Variants in ADAMTS6 observed in about 807,000 individuals in gnomAD.
ADAMTS6 encodes the protein A disintegrin and metalloproteinase with thrombospondin motifs 6.
A neutral mutation model predicts 144.3 loss-of-function variants in ADAMTS6; 23 were observed. That is an observed-to-expected ratio of 0.16 (90% confidence interval 0.11 to 0.23). The LOEUF (loss-of-function observed/expected upper bound fraction) is 0.23, where lower values mean the gene tolerates loss of function less well. ADAMTS6 is among the 10% of genes least tolerant of loss of function. The probability of loss-of-function intolerance (pLI) is 1.00; values close to 1 mark genes in which losing one functional copy is unlikely to be tolerated. For missense variants in ADAMTS6, 999 were observed against 1,379.6 expected (o/e 0.72, Z 4.37); for synonymous variants, 444 against 457.5 (o/e 0.97, Z 0.38).
At chr5:65,267,978 A>G (rs1761753561) in intron 12 of ADAMTS6, among the ~76,000 whole-genome samples, 1 of 152,168 alleles carries the variant, frequency 6.6e-6, no homozygotes, top group Non-Finnish European at 1.5e-5. Flanking sequence ...GTCATCCCAT[A>G]CTATTTAGAT....
intron 3 of ADAMTS6, among the ~76,000 whole-genome samples, chr5:65,468,960 T>C (rs754846810): frequency 4.6e-5 from 7 of 152,128 alleles, no homozygotes; most frequent in Non-Finnish European, 1.0e-4. Context: ...AGGCATGCTC[T>C]TCAAATTCCT....
chr5:65,255,461 A>T (rs1760566353), intron 14 of ADAMTS6, among the ~76,000 whole-genome samples: 1 of 152,064 alleles, frequency 6.6e-6, no homozygotes, highest in Non-Finnish European at 1.5e-5. Context: ...ATGCCTTTGC[A>T]TCCTCATAGC....
chr5:65,185,878 T>A (rs569121490), intron 22 of ADAMTS6, among the ~76,000 whole-genome samples: 1 of 152,214 alleles, frequency 6.6e-6, no homozygotes, highest in Non-Finnish European at 1.5e-5. Context: ...TAAAAACATA[T>A]AATGATACAG....
intron 20 of ADAMTS6, among the ~76,000 whole-genome samples, chr5:65,200,436 T>C (rs1471105244): frequency 6.6e-6 from 1 of 152,214 alleles, no homozygotes; most frequent in Non-Finnish European, 1.5e-5. Flanking sequence ...TTTAAAGTAG[T>C]CTGTAAAACA....
At chr5:65,182,139 A>G (rs1289604777) in intron 22 of ADAMTS6, among the ~76,000 whole-genome samples, 2 of 152,124 alleles carry the variant, frequency 1.3e-5, no homozygotes, top group Non-Finnish European at 2.9e-5. Context: ...ACCAAACCAG[A>G]TATGACTGAT....
At chr5:65,365,059 T>C (rs781272743) in intron 7 of ADAMTS6, among the ~76,000 whole-genome samples, 5 of 152,140 alleles carry the variant, frequency 3.3e-5, no homozygotes, top group Non-Finnish European at 5.9e-5. Flanking sequence ...TAACTTGTAC[T>C]GAAACCAAAA....
chr5:65,205,259 C>A (rs1265719853), intron 20 of ADAMTS6, among the ~76,000 whole-genome samples: 4 of 152,062 alleles, frequency 2.6e-5, no homozygotes, highest in African/African-American at 9.7e-5. Context: ...TTATTACGTC[C>A]GTAAAACATA....
intron 7 of ADAMTS6, among the ~76,000 whole-genome samples, chr5:65,358,080 A>G (rs572393113): frequency 1.3e-5 from 2 of 151,546 alleles, no homozygotes; most frequent in South Asian, 2.1e-4. Flanking sequence ...AAATTTCTCA[A>G]TAAAATACTA....
At chr5:65,183,219 C>T (rs1754468035) in intron 22 of ADAMTS6, among the ~76,000 whole-genome samples, 1 of 152,096 alleles carries the variant, frequency 6.6e-6, no homozygotes, top group African/African-American at 2.4e-5. Context: ...TTTCTTGAGC[C>T]TAAATTTCAT....
At chr5:65,356,332 C>T (rs889437774) in intron 7 of ADAMTS6, among the ~76,000 whole-genome samples, 1 of 151,842 alleles carries the variant, frequency 6.6e-6, no homozygotes, top group Non-Finnish European at 1.5e-5. Context: ...CTCTTGAAAA[C>T]TAGCTGTCAT....
chr5:65,301,750 C>G (rs2112804654), intron 9 of ADAMTS6, among the ~76,000 whole-genome samples: 1 of 152,108 alleles, frequency 6.6e-6, no homozygotes, highest in Admixed American at 6.5e-5. Flanking sequence ...AATGAACTGA[C>G]TTTCATAAGT....
intron 22 of ADAMTS6, among the ~76,000 whole-genome samples, chr5:65,185,201 C>T (rs1046937462): frequency 6.6e-6 from 1 of 152,196 alleles, no homozygotes. Flanking sequence ...GCTACTCAGA[C>T]ATCTATTTAA....
chr5:65,206,699 CAAAAAAA>C (rs11296295), intron 20 of ADAMTS6, among the ~76,000 whole-genome samples: 1 of 77,888 alleles, frequency 1.3e-5, no homozygotes. Flanking sequence ...GACTCCATCT[CAAAAAAA>C]AAAAAAAAAA....
At chr5:65,470,724 A>G in intron 3 of ADAMTS6, 54 bp downstream of exon 3, 2 of 1,459,234 alleles carry the variant, frequency 1.4e-6, no homozygotes, top group Admixed American at 2.7e-5. Context: ...AGACATTTAC[A>G]TTGCAAAATT....
chr5:65,300,395 C>T (rs1480751531), intron 9 of ADAMTS6, among the ~76,000 whole-genome samples: 2 of 152,198 alleles, frequency 1.3e-5, no homozygotes, highest in East Asian at 3.9e-4. Context: ...CTCTTTGAGC[C>T]GAATATATTG....
rs767157515 is a variant in ADAMTS6, at chr5:65,260,587, T to C, written c.1830+13A>G. The C allele has an allele frequency of 1.2e-6, 2 of 1,611,254 alleles. No individual in the cohort carries two copies. Among genetic ancestry groups the C allele is most frequent in the African/African-American group, 1.3e-5 (1 of 74,804 alleles). On this transcript the variant is annotated intron_variant, in intron 14 of 24. Transcript: ENST00000381055. ...TAAGCTAATTTTTCATAACAGAGTTTGGTTTTACTTACATCTGTGTTACAG... is the reference window on the plus strand; with the variant it reads ...TAAGCTAATTTTTCATAACAGAGTTCGGTTTTACTTACATCTGTGTTACAG...
At position 65,149,945 on chromosome 5, in the gene ADAMTS6, G is replaced by C. The variant is rs1445284341; in HGVS notation, c.*1891C>G. 1 of 152,476 alleles carries C rather than the reference G, an allele frequency of 6.6e-6. No homozygotes were observed. Among genetic ancestry groups the C allele is most frequent in the African/African-American group, 2.4e-5 (1 of 41,426 alleles). The allele number at this position is 152,476 out of a possible 1,614,324, so 9.4% of individuals were successfully genotyped here. A position where few individuals can be genotyped will look rare whatever the true frequency, so the allele number is the denominator to read the frequency against. Reference sequence around the variant, plus strand: ...CTCTCTCTGGAAGGCTCAGGGTTGAGAACTGTGGTGTTGAGAGAGAAAGCA... The same window carrying C: ...CTCTCTCTGGAAGGCTCAGGGTTGACAACTGTGGTGTTGAGAGAGAAAGCA... On this transcript the variant is annotated 3_prime_UTR_variant, in exon 25 of 25. Transcript: ENST00000381055.
In ADAMTS6 at chr5:65,155,488, T is replaced by A. The variant is rs1752357621; in HGVS notation, c.3245-3543A>T. Among the ~76,000 whole-genome samples, 3 of 152,206 alleles carry A rather than the reference T, an allele frequency of 2.0e-5. No individual in the cohort carries two copies. The South Asian group carries it at 6.2e-4, about 31-fold the overall frequency. The stretch of plus-strand genomic sequence containing the variant: ...GTTGGAACACAGTGGTAAGTATTTG[T>A]GTATCTAAATATATAACATAGAAAA... On this transcript the variant is annotated intron_variant, in intron 24 of 24. Coordinates refer to ENST00000381055, the MANE Select transcript of ADAMTS6 (RefSeq NM_197941.4).
chr5:65,236,133 A>G (rs1758650974), intron 15 of ADAMTS6, among the ~76,000 whole-genome samples: 1 of 152,220 alleles, frequency 6.6e-6, no homozygotes, highest in African/African-American at 2.4e-5. Flanking sequence ...TCAATAATTG[A>G]TAGAATGAGA....
Sources: gnomAD v4.1 joint callset for allele counts (sites outside exome capture counted in the v4.1 genomes callset) on GRCh38, gnomAD v4.1.1 for gene constraint, MANE v1.5 for transcripts, NCBI Gene and HGNC (gene_info 2026-07-23, HGNC 2026-07-21) for gene names.